Variants in TMEM132D observed in about 807,000 individuals in gnomAD.
TMEM132D encodes mature OL transmembrane protein.
In TMEM132D, 21 loss-of-function variants were observed where a neutral mutation model predicts 62.3. The observed-to-expected ratio is 0.34, with a 90% CI of 0.24 to 0.49. The LOEUF (loss-of-function observed/expected upper bound fraction) is 0.49. TMEM132D is among the 20% of genes least tolerant of loss of function. TMEM132D has a pLI of 0.99. For missense variants in TMEM132D, 1,346 were observed against 1,402.8 expected (o/e 0.96, Z 0.65); for synonymous variants, 621 against 575.6 (o/e 1.08, Z -1.13).
At chr12:129,208,118 T>C (rs1878910802) in intron 5 of TMEM132D, among the ~76,000 whole-genome samples, 1 of 152,164 alleles carries the variant, frequency 6.6e-6, no homozygotes, top group African/African-American at 2.4e-5. Context: ...AGAGGGGTTA[T>C]GGGAGAGGAG....
chr12:129,877,609 G>GCACACA (rs1447508887), intron 1 of TMEM132D, among the ~76,000 whole-genome samples: 5 of 94,100 alleles, frequency 5.3e-5, no homozygotes, highest in African/African-American at 1.7e-4. Flanking sequence ...AAACGCGCGC[G>GCACACA]CGCGCACACA....
At chr12:129,101,214 G>A (rs1180881765) in intron 5 of TMEM132D, among the ~76,000 whole-genome samples, 4 of 152,212 alleles carry the variant, frequency 2.6e-5, no homozygotes, top group Admixed American at 2.0e-4. Context: ...AGTGCCCATG[G>A]CCCATTGGTT....
intron 2 of TMEM132D, among the ~76,000 whole-genome samples, chr12:129,532,846 T>TTGGAGGAA (rs1876267492): frequency 6.6e-6 from 1 of 152,156 alleles, no homozygotes; most frequent in Non-Finnish European, 1.5e-5. Context: ...GCTGGAGGAA[T>TTGGAGGAA]TGGAGGAATT....
At chr12:129,577,840 G>GT (rs1474275176) in intron 2 of TMEM132D, among the ~76,000 whole-genome samples, 1 of 152,024 alleles carries the variant, frequency 6.6e-6, no homozygotes, top group Non-Finnish European at 1.5e-5. Context: ...ATAGTTAATC[G>GT]TATGTGTCAA....
intron 3 of TMEM132D, among the ~76,000 whole-genome samples, chr12:129,507,656 A>G (rs1205551341): frequency 6.6e-6 from 1 of 152,216 alleles, no homozygotes; most frequent in Non-Finnish European, 1.5e-5. Context: ...GAGCTAAGCT[A>G]CTAGGATGCA....
intron 1 of TMEM132D, among the ~76,000 whole-genome samples, chr12:129,807,527 GT>G (rs1872032387): frequency 6.6e-6 from 1 of 152,208 alleles, no homozygotes. Flanking sequence ...GCCACATGCT[GT>G]AGTTCTCCTC....
intron 1 of TMEM132D, among the ~76,000 whole-genome samples, chr12:129,772,509 G>A (rs1460391935): frequency 6.6e-6 from 1 of 152,068 alleles, no homozygotes; most frequent in Non-Finnish European, 1.5e-5. Flanking sequence ...TCCTGGAAAG[G>A]GCTTCCTATC....
intron 1 of TMEM132D, among the ~76,000 whole-genome samples, chr12:129,793,186 T>C (rs887480141): frequency 2.0e-5 from 3 of 151,944 alleles, no homozygotes; most frequent in Non-Finnish European, 4.4e-5. Flanking sequence ...CTGCCAGGAT[T>C]ACAGGCATGA....
At chr12:129,132,338 T>A (rs1876404268) in intron 5 of TMEM132D, among the ~76,000 whole-genome samples, 1 of 152,196 alleles carries the variant, frequency 6.6e-6, no homozygotes, top group Non-Finnish European at 1.5e-5. Context: ...ATATTTAAAT[T>A]ATGAGCAATC....
At chr12:129,281,376 G>A (rs1407811849) in intron 4 of TMEM132D, among the ~76,000 whole-genome samples, 3 of 147,160 alleles carry the variant, frequency 2.0e-5, no homozygotes, top group African/African-American at 7.6e-5. Flanking sequence ...AGGTTTTTTT[G>A]TTTGTTTGTT....
intron 1 of TMEM132D, among the ~76,000 whole-genome samples, chr12:129,751,835 A>G (rs1338211102): frequency 6.6e-6 from 1 of 152,210 alleles, no homozygotes; most frequent in Non-Finnish European, 1.5e-5. Context: ...AGGCATTTCT[A>G]AATAGCGCTT....
At chr12:129,522,392 C>A (rs1032521619) in intron 3 of TMEM132D, 2 of 152,008 alleles carry the variant, frequency 1.3e-5, no homozygotes, top group Non-Finnish European at 2.9e-5. Flanking sequence ...TCTTTCATTT[C>A]TTTTTTTAAT....
rs1460678597 is a variant in TMEM132D at position 129,074,310 on chromosome 12, C to G, written c.2865G>C (p.Gln955His). 1 of 1,614,128 alleles carries G rather than the reference C, an allele frequency of 6.2e-7. No homozygotes were observed. Among genetic ancestry groups the G allele is most frequent in the African/African-American group, 1.3e-5 (1 of 75,018 alleles). Residue 955 changes from glutamine (Q) to histidine (H), a missense_variant, in exon 9 of 9, where the codon CAG becomes CAC. Gln to His is a conservative substitution (Grantham distance 24). Coordinates refer to ENST00000422113, the MANE Select transcript of TMEM132D (RefSeq NM_133448.3). Reference sequence around the variant, plus strand: ...AGTCATGAGAGTGACTCATCCCTTCCTGCTCCTCGAAGGGAACCTGTTTGT... The same window carrying G: ...AGTCATGAGAGTGACTCATCCCTTCGTGCTCCTCGAAGGGAACCTGTTTGT... ...YRHKQVPFEE[Q>H]EGMSHSHDWV...
At chr12:129,584,086 G>T (rs558623789) in intron 2 of TMEM132D, among the ~76,000 whole-genome samples, 1 of 152,016 alleles carries the variant, frequency 6.6e-6, no homozygotes, top group Non-Finnish European at 1.5e-5. Context: ...AGAAAGAAAA[G>T]GCTAATAAAT....
At chr12:129,077,933 T>C (rs2135609936) in intron 8 of TMEM132D, among the ~76,000 whole-genome samples, 1 of 152,094 alleles carries the variant, frequency 6.6e-6, no homozygotes, top group East Asian at 1.9e-4. Context: ...AACACACATA[T>C]ACATATGCAC....
At chr12:129,410,348 G>T (rs1047381218) in intron 3 of TMEM132D, among the ~76,000 whole-genome samples, 3 of 85,206 alleles carry the variant, frequency 3.5e-5, no homozygotes, top group Non-Finnish European at 8.1e-5. Context: ...AGAAAAAAAG[G>T]TTTTGTTTGT....
At chr12:129,147,378 C>T (rs538848190) in intron 5 of TMEM132D, among the ~76,000 whole-genome samples, 1 of 149,982 alleles carries the variant, frequency 6.7e-6, no homozygotes, top group Middle Eastern at 3.5e-3. Flanking sequence ...TATATCATGG[C>T]CTTTTGCCCT....
chr12:129,143,588 T>A (rs1486560551), intron 5 of TMEM132D, among the ~76,000 whole-genome samples: 1 of 152,156 alleles, frequency 6.6e-6, no homozygotes, highest in Non-Finnish European at 1.5e-5. Context: ...AAGCCTAATA[T>A]ATCCAACATT....
At chr12:129,268,365 A>G (rs7296948) in intron 4 of TMEM132D, among the ~76,000 whole-genome samples, 13,859 of 152,162 alleles carry the variant, frequency 0.091, 795 homozygotes, top group Admixed American at 0.17. Context: ...CCATCAAAAA[A>G]TGGGCGAAGG....
Sources: gnomAD v4.1 joint callset for allele counts (sites outside exome capture counted in the v4.1 genomes callset) on GRCh38, gnomAD v4.1.1 for gene constraint, MANE v1.5 for transcripts, NCBI Gene and HGNC (gene_info 2026-07-23, HGNC 2026-07-21) for gene names.